XKR9: variants seen among roughly 807,000 people sequenced by gnomAD.
XKR9 encodes the protein XK-related protein 9.
Under a neutral mutation model 32.0 loss-of-function variants are expected in XKR9, and 32 were observed. That is an observed-to-expected ratio of 1.00 (90% CI 0.76 to 1.34). XKR9 has a LOEUF of 1.34. Among genes scored for constraint, XKR9 ranks in the 40% most tolerant of loss-of-function variants. XKR9 has a pLI of 0.00. For missense variants in XKR9, 546 were observed against 429.7 expected, an observed-to-expected ratio of 1.27 and a Z score of -2.39; for synonymous variants, 168 against 143.4, an observed-to-expected ratio of 1.17 and a Z score of -1.22.
At chr8:70,850,485 G>A in the XKR9 span, among the ~76,000 whole-genome samples, 29,765 of 121,544 alleles carry the variant, frequency 0.24, 4,610 homozygotes, top group African/African-American at 0.41. Context: ...AAAAAAAAAA[G>A]AAAGAAAATT....
the XKR9 span, among the ~76,000 whole-genome samples, chr8:71,032,308 A>C: frequency 4.1e-4 from 58 of 141,210 alleles, no homozygotes; most frequent in African/African-American, 1.4e-3. Context: ...AAAAAAAAAA[A>C]CCACTTTGGA....
At chr8:70,800,686 A>G in the XKR9 span, among the ~76,000 whole-genome samples, 1 of 152,010 alleles carries the variant, frequency 6.6e-6, no homozygotes, top group Non-Finnish European at 1.5e-5. Flanking sequence ...GCATTTCACC[A>G]TGTTGGCCAG....
the XKR9 span, among the ~76,000 whole-genome samples, chr8:70,842,859 C>T: frequency 6.6e-6 from 1 of 152,152 alleles, no homozygotes; most frequent in South Asian, 2.1e-4. Context: ...TTCTCTCCAG[C>T]TCCAATATTA....
chr8:70,775,930 G>A (rs10448014), intron 2 of XKR9, among the ~76,000 whole-genome samples: 61,136 of 151,492 alleles, frequency 0.4, 13,860 homozygotes, highest in Non-Finnish European at 0.52. Context: ...TTTTTTTGTC[G>A]AGATGGGGTC....
chr8:71,061,214 G>A, the XKR9 span, among the ~76,000 whole-genome samples: 4 of 152,166 alleles, frequency 2.6e-5, no homozygotes, highest in African/African-American at 9.7e-5. Flanking sequence ...ACTGACTCTA[G>A]TGTCTGTGCT....
At chr8:70,950,121 CA>C in the XKR9 span, among the ~76,000 whole-genome samples, 10 of 152,172 alleles carry the variant, frequency 6.6e-5, no homozygotes, top group African/African-American at 2.4e-4. Context: ...TTCATTCATT[CA>C]ATACTTTTTA....
the XKR9 span, among the ~76,000 whole-genome samples, chr8:70,902,764 T>C: frequency 6.6e-6 from 1 of 152,200 alleles, no homozygotes; most frequent in East Asian, 1.9e-4. Flanking sequence ...GGCTGTGGGT[T>C]TGTCATAAAT....
chr8:71,007,227 T>C, the XKR9 span, among the ~76,000 whole-genome samples: 65,763 of 152,050 alleles, frequency 0.43, 15,317 homozygotes, highest in Non-Finnish European at 0.53. Flanking sequence ...CAGGTAAAAT[T>C]ATCATAATCC....
chr8:71,004,025 G>A, the XKR9 span, among the ~76,000 whole-genome samples: 1 of 152,186 alleles, frequency 6.6e-6, no homozygotes, highest in Non-Finnish European at 1.5e-5. Flanking sequence ...GACAGAACAA[G>A]ATATTGCAAA....
the XKR9 span, among the ~76,000 whole-genome samples, chr8:70,953,234 C>T: frequency 6.6e-6 from 1 of 152,222 alleles, no homozygotes; most frequent in East Asian, 1.9e-4. Flanking sequence ...GCACTCAGTG[C>T]TAGGCTTTGT....
the XKR9 span, among the ~76,000 whole-genome samples, chr8:70,877,020 G>T: frequency 4.6e-5 from 7 of 152,122 alleles, no homozygotes; most frequent in African/African-American, 1.4e-4. Flanking sequence ...ACCCAAGACT[G>T]GGTAATTTAT....
chr8:70,957,946 C>T, the XKR9 span, among the ~76,000 whole-genome samples: 1 of 152,036 alleles, frequency 6.6e-6, no homozygotes, highest in African/African-American at 2.4e-5. Flanking sequence ...TGCCACCACA[C>T]CTGGCTACCT....
the XKR9 span, among the ~76,000 whole-genome samples, chr8:70,988,820 C>T: frequency 1.3e-5 from 2 of 152,098 alleles, no homozygotes; most frequent in Non-Finnish European, 2.9e-5. Flanking sequence ...ACATGAATCC[C>T]TCCTCATCCC....
intron 4 of XKR9, among the ~76,000 whole-genome samples, chr8:70,725,600 G>A (rs1332378588): frequency 6.6e-6 from 1 of 152,010 alleles, no homozygotes; most frequent in Non-Finnish European, 1.5e-5. Context: ...AACGATGTAC[G>A]AGAGGACTTA....
chr8:70,863,472 C>T, the XKR9 span, among the ~76,000 whole-genome samples: 4 of 152,110 alleles, frequency 2.6e-5, no homozygotes, highest in African/African-American at 4.8e-5. Flanking sequence ...CCCATTTAAA[C>T]GTAGGGTGAA....
At chr8:71,004,382 A>C in the XKR9 span, among the ~76,000 whole-genome samples, 3 of 152,202 alleles carry the variant, frequency 2.0e-5, no homozygotes, top group Admixed American at 2.0e-4. Context: ...GAGGACACAC[A>C]GGTCATTATT....
At chr8:71,039,274 C>T in the XKR9 span, among the ~76,000 whole-genome samples, 1 of 152,156 alleles carries the variant, frequency 6.6e-6, no homozygotes, top group Admixed American at 6.5e-5. Flanking sequence ...CTATCAAAAG[C>T]TGAAAATATC....
chr8:70,940,403 A>G, the XKR9 span, among the ~76,000 whole-genome samples: 1 of 152,042 alleles, frequency 6.6e-6, no homozygotes, highest in African/African-American at 2.4e-5. Flanking sequence ...AGTCAGACAC[A>G]TTGGTTTGAA....
chr8:70,764,543 C>T (rs1435177815), intron 2 of XKR9, among the ~76,000 whole-genome samples: 1 of 151,998 alleles, frequency 6.6e-6, no homozygotes, highest in Non-Finnish European at 1.5e-5. Flanking sequence ...ATTAAGATGA[C>T]CAGATCTGCC....
Sources: gnomAD v4.1 joint callset for allele counts (sites outside exome capture counted in the v4.1 genomes callset) on GRCh38, gnomAD v4.1.1 for gene constraint, MANE v1.5 for transcripts, NCBI Gene and HGNC (gene_info 2026-07-23, HGNC 2026-07-21) for gene names.